The following RPL9 variants were observed in gnomAD, a reference collection of about 807,000 sequenced individuals.
RPL9 encodes the protein large ribosomal subunit protein uL6.
For synonymous variants in RPL9, 82 were observed against 77.1 expected (o/e 1.06, Z -0.33); for missense variants, 149 against 236.7 (o/e 0.63, Z 2.43).
chr4:39,457,332 T>C (rs553538361), intron 4 of RPL9: 14 of 318,630 alleles, frequency 4.4e-5, no homozygotes, highest in East Asian at 1.2e-4. Context: ...CTGGACAAAA[T>C]AGCGAGACCC....
chr4:39,456,467 A>C lies in RPL9; in HGVS notation c.330T>G (p.Ser110=), dbSNP rs757203996. The change falls in exon 5 of 8, where the codon TCT becomes TCG. Residue 110 remains serine (S), a synonymous_variant. Coordinates refer to ENST00000295955, the MANE Select transcript of RPL9 (RefSeq NM_000661.5). ...CCAAGAAATTTCGGATTTCAACAAG[A>C]GACCCATTCTCCTGGATAACAACGT... ...PINVVIQENG[S]LVEIRNFLGE... The C allele has an allele frequency of 4.1e-5, 66 of 1,614,046 alleles. No homozygotes were observed. The highest frequency in any genetic ancestry group is 5.3e-5 in the Non-Finnish European group (62 of 1,179,996).
At chr4:39,454,804 T>C in intron 6 of RPL9, 60 bp downstream of exon 6, 2 of 1,564,108 alleles carry the variant, frequency 1.3e-6, no homozygotes, top group Non-Finnish European at 1.7e-6. Flanking sequence ...AAATACTGTA[T>C]TTTAAACAAG....
intron 4 of RPL9, chr4:39,456,996 A>G (rs1744111619): frequency 6.2e-6 from 1 of 162,334 alleles, no homozygotes; most frequent in South Asian, 1.6e-4. Flanking sequence ...AGAAGGTATA[A>G]TGCAAAGAAA....
chr4:39,458,471 C>A, intron 1 of RPL9, 31 bp from the exon 2 acceptor site: 1 of 1,611,366 alleles, frequency 6.2e-7, no homozygotes, highest in Non-Finnish European at 8.5e-7. Flanking sequence ...GTGAGGCCGA[C>A]GCAAGGCCCG....
intron 4 of RPL9, 94 bp from the exon 5 acceptor site, chr4:39,456,632 G>A (rs896386435): frequency 7.1e-5 from 97 of 1,357,126 alleles, no homozygotes; most frequent in Non-Finnish European, 9.2e-5. Flanking sequence ...ATTTTAAAAC[G>A]TAACACTCAC....
intron 1 of RPL9, 144 bp downstream of exon 1, chr4:39,458,747 C>T (rs1744246533): frequency 1.5e-6 from 1 of 664,418 alleles, no homozygotes; most frequent in Admixed American, 2.2e-5. Flanking sequence ...GGATTCGCAT[C>T]TGGCGCCGCC....
chr4:39,456,256 G>T, intron 5 of RPL9, 150 bp downstream of exon 5: 1 of 828,672 alleles, frequency 1.2e-6, no homozygotes, highest in Non-Finnish European at 2.0e-6. Flanking sequence ...CAGTTTAAGT[G>T]TAATCAAGAG....
At chr4:39,458,561 G>T in intron 1 of RPL9, 121 bp from the exon 2 acceptor site, 1 of 1,056,732 alleles carries the variant, frequency 9.5e-7, no homozygotes. Context: ...AGATGTCGGA[G>T]GACGGGAGAC....
At chr4:39,455,047 A>G (rs954661599) in intron 5 of RPL9, 103 bp from the exon 6 acceptor site, 3 of 1,197,614 alleles carry the variant, frequency 2.5e-6, no homozygotes, top group Non-Finnish European at 3.5e-6. Flanking sequence ...GCACCAAAAG[A>G]ACCTTTTCTT....
chr4:39,455,430 C>A (rs932072042), intron 5 of RPL9, among the ~76,000 whole-genome samples: 12 of 148,238 alleles, frequency 8.1e-5, no homozygotes, highest in African/African-American at 2.9e-4. Flanking sequence ...CATCAAGAGG[C>A]CGAGCCAGGT....
Position 39,458,110 on chromosome 4 carries a change from G to C in RPL9, c.162+84C>G, listed in dbSNP as rs1254952944. Reference sequence around the variant, plus strand: ...AAGCTGAAGCACTGAACCTTAATTCGAAAATTGTTAAAGCAACCAAATGTG... The same window carrying C: ...AAGCTGAAGCACTGAACCTTAATTCCAAAATTGTTAAAGCAACCAAATGTG... On this transcript the variant is annotated intron_variant, in intron 3 of 7. Coordinates refer to ENST00000295955, the MANE Select transcript of RPL9 (RefSeq NM_000661.5). 2.2e-6 allele frequency: 3 copies of C among 1,383,826 alleles called. No homozygotes were observed. In the Admixed American group the frequency reaches 5.7e-5, roughly 26 times the overall value. 85.7% of individuals were successfully genotyped at this position (1,383,826 alleles called of 1,614,324 possible).
In RPL9 at chr4:39,456,545, T is replaced by C; in HGVS notation, c.259-7A>G. 6.8e-7 allele frequency: 1 copy of C among 1,475,618 alleles called. No individual in the cohort carries two copies. Among genetic ancestry groups the C allele is most frequent in the Non-Finnish European group, 9.5e-7 (1 of 1,057,554 alleles). The allele number at this position is 1,475,618 out of a possible 1,614,324, so 91.4% of individuals were successfully genotyped here. ...TCATCTTGTAACGGAAGCCCTATGTTAAATAAATAAGCAAGCTATTAGCAA... is the reference window on the plus strand; with the variant it reads ...TCATCTTGTAACGGAAGCCCTATGTCAAATAAATAAGCAAGCTATTAGCAA... On this transcript the variant is annotated splice_region_variant and splice_polypyrimidine_tract_variant and intron_variant, in intron 4 of 7. Coordinates refer to ENST00000295955, the MANE Select transcript of RPL9 (RefSeq NM_000661.5).
chr4:39,455,996 C>T (rs1403269291), intron 5 of RPL9: 3 of 236,522 alleles, frequency 1.3e-5, no homozygotes, highest in South Asian at 5.0e-5. Context: ...GTTCTTACCA[C>T]GAAGAAATAA....
At chr4:39,456,355 A>G in intron 5 of RPL9, 51 bp downstream of exon 5, 1 of 1,611,060 alleles carries the variant, frequency 6.2e-7, no homozygotes, top group Non-Finnish European at 8.5e-7. Flanking sequence ...AAAAGGAGGA[A>G]AAAAATATGA....
chr4:39,457,632 C>T lies in RPL9; in HGVS notation c.212G>A (p.Arg71Gln), dbSNP rs1744160516. ...WGNRKELATV[R>Q]TICSHVQNMI... is the part of the protein sequence containing the mutation. Reference sequence around the variant, plus strand: ...GTTCTGTACATGACTACAAATAGTCCGAACGGTAGCCAGTTCCTTTCTGTT... The same window carrying T: ...GTTCTGTACATGACTACAAATAGTCTGAACGGTAGCCAGTTCCTTTCTGTT... The change falls in exon 4 of 8, where the codon CGG becomes CAG. Residue 71 changes from arginine to glutamine, a missense_variant. By Grantham distance (43) the Arg-to-Gln change is conservative. Transcript: ENST00000295955. 1.2e-6 allele frequency: 2 copies of T among 1,613,996 alleles called. No homozygotes were observed. The highest frequency in any genetic ancestry group is 1.3e-5 in the African/African-American group (1 of 74,900).
chr4:39,457,981 C>A, intron 3 of RPL9: 1 of 690,530 alleles, frequency 1.4e-6, no homozygotes, highest in Non-Finnish European at 2.6e-6. Flanking sequence ...TAAGACGTGT[C>A]ACTGATGACC....
chr4:39,456,573 CT>C, intron 4 of RPL9, 35 bp from the exon 5 acceptor site: 1 of 1,602,106 alleles, frequency 6.2e-7, no homozygotes, highest in East Asian at 2.2e-5. Context: ...ATTAGCAATG[CT>C]GAGGAATATT....
At chr4:39,458,154 T>C (rs901128031) in intron 3 of RPL9, 40 bp downstream of exon 3, 1 of 1,600,696 alleles carries the variant, frequency 6.2e-7, no homozygotes, top group Middle Eastern at 1.7e-4. Context: ...ATAAACCACC[T>C]TCCAACGAGC....
chr4:39,458,450 A>C lies in RPL9; in HGVS notation c.-1-10T>G, dbSNP rs777065261. On this transcript the variant is annotated splice_polypyrimidine_tract_variant and intron_variant, in intron 1 of 7. Coordinates refer to ENST00000295955, the MANE Select transcript of RPL9 (RefSeq NM_000661.5). ...GAGAATAGTCTTCATTCTGAAACAC[A>C]AACACTGGGGGTGAGGCCGACGCAA... 4 of 1,614,052 alleles carry C rather than the reference A, an allele frequency of 2.5e-6. No individual in the cohort carries two copies. The highest frequency in any genetic ancestry group is 3.4e-6 in the Non-Finnish European group (4 of 1,179,882).
Sources: gnomAD v4.1 joint callset for allele counts (sites outside exome capture counted in the v4.1 genomes callset) on GRCh38, gnomAD v4.1.1 for gene constraint, MANE v1.5 for transcripts, NCBI Gene and HGNC (gene_info 2026-07-23, HGNC 2026-07-21) for gene names.